Variants in RBMS3 observed in about 807,000 individuals in gnomAD.
The protein encoded by RBMS3 is RNA-binding motif, single-stranded-interacting protein 3.
In RBMS3, 27 loss-of-function variants were observed where a neutral mutation model predicts 66.8. That is an observed-to-expected ratio of 0.40 (90% CI 0.30 to 0.56). The LOEUF (loss-of-function observed/expected upper bound fraction) is 0.56. RBMS3 is among the 20% of genes least tolerant of loss of function. The probability of loss-of-function intolerance (pLI) is 0.40; values close to 1 mark genes in which losing one functional copy is unlikely to be tolerated. For synonymous variants in RBMS3, 188 were observed against 183.0 expected (o/e 1.03, Z -0.22); for missense variants, 513 against 549.5 (o/e 0.93, Z 0.66).
intron 11 of RBMS3, among the ~76,000 whole-genome samples, chr3:29,943,772 T>A (rs951308982): frequency 1.3e-5 from 2 of 151,762 alleles, no homozygotes; most frequent in Non-Finnish European, 2.9e-5. Flanking sequence ...AATATGAGAA[T>A]GTACAAATTT....
In RBMS3 at chr3:29,689,467, G is replaced by T. The variant is rs542759044; in HGVS notation, c.400-50253G>T. Among the ~76,000 whole-genome samples, 4 of 152,234 alleles carry T rather than the reference G, an allele frequency of 2.6e-5. No individual in the cohort carries two copies. The South Asian group carries it at 8.3e-4, about 32-fold the overall frequency. On this transcript the variant is annotated intron_variant, in intron 4 of 14. Transcript: ENST00000383767. ...GAATATTTAAAATTGGGCTGACAAA[G>T]CAGTAGATATTCTCAGGAGTTTAAT...
chr3:29,894,393 T>A (rs559692175), intron 8 of RBMS3, among the ~76,000 whole-genome samples: 2 of 151,602 alleles, frequency 1.3e-5, no homozygotes, highest in East Asian at 3.9e-4. Context: ...AATTTTTGTA[T>A]TTTTGTAGAG....
chr3:29,663,253 CAGAT>C (rs754332524), intron 4 of RBMS3, among the ~76,000 whole-genome samples: 2 of 144,594 alleles, frequency 1.4e-5, no homozygotes, highest in Non-Finnish European at 3.1e-5. Flanking sequence ...GAGAGAGAGA[CAGAT>C]AGTGCTTTAA....
In RBMS3 at chr3:29,936,207, GA is replaced by G. The variant is rs1440275075; in HGVS notation, c.1050+12del. 6.2e-7 allele frequency: 1 copy of G among 1,609,376 alleles called. No individual in the cohort carries two copies. The highest frequency in any genetic ancestry group is 2.2e-5 in the East Asian group (1 of 44,818). ...GGCACAACAGGAACGGTGAGTTGAAGAGATTGTTTTGTTTCCTTGAACTTTT... is the reference window on the plus strand; with the variant it reads ...GGCACAACAGGAACGGTGAGTTGAAGGATTGTTTTGTTTCCTTGAACTTTT... On this transcript the variant is annotated intron_variant, in intron 11 of 14. Coordinates refer to ENST00000383767, the MANE Select transcript of RBMS3 (RefSeq NM_001003793.3).
At chr3:29,363,868 A>T (rs1047677117) in intron 1 of RBMS3, among the ~76,000 whole-genome samples, 1 of 152,086 alleles carries the variant, frequency 6.6e-6, no homozygotes, top group Non-Finnish European at 1.5e-5. Context: ...AATTGATAAA[A>T]ATTTTTTTTT....
At chr3:29,718,158 T>C (rs950814610) in intron 4 of RBMS3, among the ~76,000 whole-genome samples, 1 of 152,112 alleles carries the variant, frequency 6.6e-6, no homozygotes, top group African/African-American at 2.4e-5. Flanking sequence ...TCAATAATTG[T>C]AATGATAAAA....
chr3:29,297,450 C>T (rs904800004), intron 1 of RBMS3, among the ~76,000 whole-genome samples: 3 of 151,766 alleles, frequency 2.0e-5, no homozygotes, highest in African/African-American at 4.8e-5. Flanking sequence ...AAGATGGCTC[C>T]GATCAATGCT....
chr3:29,481,473 G>A (rs2043127554), intron 2 of RBMS3, among the ~76,000 whole-genome samples: 2 of 152,278 alleles, frequency 1.3e-5, no homozygotes, highest in Middle Eastern at 3.4e-3. Context: ...TGGTCAACCA[G>A]GTATAATGGC....
At chr3:29,357,703 A>G (rs2037309486) in intron 1 of RBMS3, among the ~76,000 whole-genome samples, 1 of 152,180 alleles carries the variant, frequency 6.6e-6, no homozygotes. Context: ...CATCCTTTCC[A>G]GTACCTGTTG....
At chr3:29,378,640 A>G (rs999767622) in intron 1 of RBMS3, among the ~76,000 whole-genome samples, 1 of 152,218 alleles carries the variant, frequency 6.6e-6, no homozygotes, top group African/African-American at 2.4e-5. Flanking sequence ...ATTAGCTGTT[A>G]TAAGTAAAGG....
At chr3:29,956,688 G>A (rs1285635699) in intron 12 of RBMS3, among the ~76,000 whole-genome samples, 1 of 152,076 alleles carries the variant, frequency 6.6e-6, no homozygotes. Flanking sequence ...CTAGGTAACT[G>A]CCATCCTTTG....
At chr3:29,646,103 G>A (rs138864300) in intron 4 of RBMS3, among the ~76,000 whole-genome samples, 1 of 152,186 alleles carries the variant, frequency 6.6e-6, no homozygotes, top group Admixed American at 6.5e-5. Context: ...CTGTATGCCT[G>A]TTTAAATTGA....
intron 3 of RBMS3, among the ~76,000 whole-genome samples, chr3:29,511,080 C>T (rs1462890901): frequency 6.6e-6 from 1 of 152,252 alleles, no homozygotes; most frequent in South Asian, 2.1e-4. Flanking sequence ...GGGTGGATCA[C>T]TAGGTGAGGA....
chr3:29,853,439 T>TTG (rs1459313431), intron 6 of RBMS3, among the ~76,000 whole-genome samples: 1 of 145,734 alleles, frequency 6.9e-6, no homozygotes, highest in Admixed American at 6.8e-5. Context: ...TTTTTTTTTT[T>TTG]TTTTTTGCAG....
At chr3:29,474,501 C>A (rs2042877716) in intron 2 of RBMS3, among the ~76,000 whole-genome samples, 1 of 152,150 alleles carries the variant, frequency 6.6e-6, no homozygotes, top group Non-Finnish European at 1.5e-5. Flanking sequence ...TTTAACTTTT[C>A]TTTTAAGTTG....
At chr3:29,516,424 A>T (rs989837897) in intron 3 of RBMS3, among the ~76,000 whole-genome samples, 4 of 152,074 alleles carry the variant, frequency 2.6e-5, no homozygotes, top group Non-Finnish European at 5.9e-5. Context: ...CCTGAAGACT[A>T]TGGAGAGGAA....
At chr3:29,892,239 TC>T (rs2060017266) in intron 8 of RBMS3, among the ~76,000 whole-genome samples, 1 of 151,538 alleles carries the variant, frequency 6.6e-6, no homozygotes, top group African/African-American at 2.4e-5. Flanking sequence ...AGCTTAGACT[TC>T]CGTGGATCAC....
chr3:29,972,119 CT>C (rs1697269517), intron 12 of RBMS3, among the ~76,000 whole-genome samples: 1 of 152,020 alleles, frequency 6.6e-6, no homozygotes, highest in South Asian at 2.1e-4. Context: ...TCTTCAATTC[CT>C]TTGGCAAGGA....
intron 2 of RBMS3, among the ~76,000 whole-genome samples, chr3:29,450,930 CA>C (rs1235646839): frequency 0.026 from 1,352 of 51,962 alleles, 15 homozygotes; most frequent in African/African-American, 0.076. Flanking sequence ...CACACACACA[CA>C]CCCCCCACAC....
Sources: allele counts gnomAD v4.1 joint callset (sites outside exome capture counted in the v4.1 genomes callset), GRCh38; gene constraint gnomAD v4.1.1; transcripts MANE v1.5; gene names NCBI Gene and HGNC (gene_info 2026-07-23, HGNC 2026-07-21).